The following ARHGAP18 variants were observed in gnomAD, a reference collection of about 807,000 sequenced individuals.
ARHGAP18 encodes rho GTPase-activating protein 18.
ARHGAP18 carries 67 observed loss-of-function variants against 86.2 expected under a neutral mutation model. That is an observed-to-expected ratio of 0.78 (90% CI 0.64 to 0.95). ARHGAP18 has a LOEUF of 0.95. ARHGAP18 is among the 40% of genes least tolerant of loss of function. ARHGAP18 has a pLI of 0.00. For missense variants in ARHGAP18, 691 were observed against 780.4 expected, an observed-to-expected ratio of 0.89 and a Z score of 1.37; for synonymous variants, 283 against 280.4, an observed-to-expected ratio of 1.01 and a Z score of -0.09.
At chr6:129,583,477 T>C (rs1788329071) in intron 13 of ARHGAP18, among the ~76,000 whole-genome samples, 1 of 152,232 alleles carries the variant, frequency 6.6e-6, no homozygotes, top group South Asian at 2.1e-4. Context: ...GGATGGTATG[T>C]TCTCCCCTTG....
intron 1 of ARHGAP18, among the ~76,000 whole-genome samples, chr6:129,675,698 G>A (rs1774220484): frequency 6.6e-6 from 1 of 152,300 alleles, no homozygotes; most frequent in Middle Eastern, 3.4e-3. Flanking sequence ...AAGACATTAT[G>A]AGAGAGTATC....
chr6:129,620,564 T>C (rs898253219), intron 5 of ARHGAP18, among the ~76,000 whole-genome samples: 3 of 152,218 alleles, frequency 2.0e-5, no homozygotes, highest in Admixed American at 6.5e-5. Context: ...CAAATTACAA[T>C]TCCATTGTGT....
intron 1 of ARHGAP18, among the ~76,000 whole-genome samples, chr6:129,668,362 TCACACACACACACACACA>T (rs35153109): frequency 7.3e-6 from 1 of 137,758 alleles, no homozygotes; most frequent in Non-Finnish European, 1.6e-5. Flanking sequence ...ACCCAAATAA[TCACACACACACACACACA>T]CACACACACA....
intron 13 of ARHGAP18, among the ~76,000 whole-genome samples, chr6:129,581,625 G>A (rs546008797): frequency 7.9e-5 from 12 of 152,186 alleles, no homozygotes; most frequent in Middle Eastern, 3.4e-3. Flanking sequence ...AGATTTTTGC[G>A]TAATGCTAAT....
intron 8 of ARHGAP18, among the ~76,000 whole-genome samples, chr6:129,608,887 C>T (rs1459085894): frequency 6.6e-6 from 1 of 151,892 alleles, no homozygotes; most frequent in Non-Finnish European, 1.5e-5. Flanking sequence ...CTTCCTAACA[C>T]AACAACCATT....
intron 7 of ARHGAP18, among the ~76,000 whole-genome samples, chr6:129,614,175 T>C (rs1789043061): frequency 6.6e-6 from 1 of 152,216 alleles, no homozygotes; most frequent in Admixed American, 6.5e-5. Context: ...AGTGTCCTTT[T>C]CGGGTATATA....
chr6:129,695,843 A>G (rs548565385), intron 1 of ARHGAP18, among the ~76,000 whole-genome samples: 2 of 152,316 alleles, frequency 1.3e-5, no homozygotes, highest in East Asian at 3.9e-4. Flanking sequence ...CCCTCATTTA[A>G]GGGAAAAACA....
intron 1 of ARHGAP18, among the ~76,000 whole-genome samples, chr6:129,694,968 G>GCTA (rs1774588746): frequency 6.6e-6 from 1 of 152,136 alleles, no homozygotes; most frequent in African/African-American, 2.4e-5. Context: ...AAGAAAGACA[G>GCTA]CTACAAAAAA....
chr6:129,704,204 G>T (rs1413725850), intron 1 of ARHGAP18, among the ~76,000 whole-genome samples: 1 of 152,030 alleles, frequency 6.6e-6, no homozygotes, highest in Non-Finnish European at 1.5e-5. Flanking sequence ...TAGCACTCTG[G>T]GAGGGCGAGG....
intron 1 of ARHGAP18, among the ~76,000 whole-genome samples, chr6:129,661,575 A>C (rs535443935): frequency 1.3e-5 from 2 of 150,916 alleles, no homozygotes; most frequent in East Asian, 3.9e-4. Flanking sequence ...ATTCTTGGCT[A>C]GTTTTACCAA....
rs1449723236 is a variant in ARHGAP18 at position 129,577,428 on chromosome 6, C to T, written c.*1085G>A. ...TCATTTCTTATTTACAGTACAGAGG[C>T]TCATCTCTTGTCACAATATGGTTTG... On this transcript the variant is annotated 3_prime_UTR_variant, in exon 15 of 15. Transcript: ENST00000368149. The T allele has an allele frequency of 6.6e-6, 1 of 152,056 alleles. No individual in the cohort carries two copies. Among genetic ancestry groups the T allele is most frequent in the Non-Finnish European group, 1.5e-5 (1 of 67,996 alleles). 9.4% of individuals were successfully genotyped at this position (152,056 alleles called of 1,614,324 possible).
At position 129,629,533 on chromosome 6, in the gene ARHGAP18, G is replaced by C. The variant is rs201485537; in HGVS notation, c.617-11C>G. ...GGTTAGATGCCTCGTCTAGGGGCCC[G>C]GGGGGAAAGAACCCAATTCATATGC... is the stretch of plus-strand genomic sequence containing the variant. On this transcript the variant is annotated splice_polypyrimidine_tract_variant and intron_variant, in intron 4 of 14. Transcript: ENST00000368149. 2 of 1,595,304 alleles carry C rather than the reference G, an allele frequency of 1.3e-6. No individual in the cohort carries two copies. Among genetic ancestry groups the C allele is most frequent in the East Asian group, 2.2e-5 (1 of 44,618 alleles).
chr6:129,625,778 TATATATAA>T (rs1789428298), intron 5 of ARHGAP18, among the ~76,000 whole-genome samples: 4 of 58,064 alleles, frequency 6.9e-5, no homozygotes, highest in African/African-American at 2.7e-4. Flanking sequence ...TATATATTTA[TATATATAA>T]TATATATTTT....
intron 2 of ARHGAP18, among the ~76,000 whole-genome samples, chr6:129,640,042 C>CAAAAAAA (rs374771260): frequency 2.1e-4 from 15 of 72,852 alleles, no homozygotes; most frequent in East Asian, 4.3e-4. Flanking sequence ...GAGACTGTCT[C>CAAAAAAA]AAAAAAAAAA....
intron 1 of ARHGAP18, among the ~76,000 whole-genome samples, chr6:129,646,747 A>C (rs1350772212): frequency 1.3e-5 from 2 of 152,218 alleles, no homozygotes; most frequent in African/African-American, 4.8e-5. Flanking sequence ...ACAATATTAC[A>C]GTTCATGTCG....
intron 9 of ARHGAP18, among the ~76,000 whole-genome samples, chr6:129,606,752 A>G (rs541304879): frequency 1.1e-4 from 16 of 152,198 alleles, no homozygotes; most frequent in Admixed American, 2.0e-4. Flanking sequence ...TCTCCTAGAA[A>G]TTCTGAAGAA....
At chr6:129,634,931 A>G (rs931518557) in intron 3 of ARHGAP18, among the ~76,000 whole-genome samples, 2 of 152,160 alleles carry the variant, frequency 1.3e-5, no homozygotes, top group African/African-American at 4.8e-5. Context: ...AAGTAACTAA[A>G]TTACCAAACC....
chr6:129,588,323 G>A (rs1788441401), intron 12 of ARHGAP18, among the ~76,000 whole-genome samples: 1 of 152,070 alleles, frequency 6.6e-6, no homozygotes. Flanking sequence ...TCACCATGTT[G>A]GCTGCTGGTC....
At chr6:129,695,800 G>C (rs1774605643) in intron 1 of ARHGAP18, among the ~76,000 whole-genome samples, 1 of 148,264 alleles carries the variant, frequency 6.7e-6, no homozygotes, top group African/African-American at 2.5e-5. Context: ...ATATAAACGT[G>C]TTCTTATCTG....
Sources: gnomAD v4.1 joint callset for allele counts (sites outside exome capture counted in the v4.1 genomes callset) on GRCh38, gnomAD v4.1.1 for gene constraint, MANE v1.5 for transcripts, NCBI Gene and HGNC (gene_info 2026-07-23, HGNC 2026-07-21) for gene names.